The following FHIP1B variants were observed in gnomAD, a reference collection of about 807,000 sequenced individuals.
The protein encoded by FHIP1B is FHF complex subunit HOOK interacting protein 1B, also known as FHF complex subunit HOOK-interacting protein 1B.
Under a neutral mutation model 82.2 loss-of-function variants are expected in FHIP1B, and 28 were observed. That is an observed-to-expected ratio of 0.34 (90% CI 0.25 to 0.47). FHIP1B has a LOEUF of 0.47. FHIP1B is among the 20% of genes least tolerant of loss of function. FHIP1B has a pLI of 1.00. For synonymous variants in FHIP1B, 585 were observed against 516.1 expected, an observed-to-expected ratio of 1.13 and a Z score of -1.81; for missense variants, 1,110 against 1,262.6, an observed-to-expected ratio of 0.88 and a Z score of 1.83.
At chr11:6,226,694 A>G (rs1391393861) in intron 1 of FHIP1B, among the ~76,000 whole-genome samples, 1 of 152,270 alleles carries the variant, frequency 6.6e-6, no homozygotes, top group Non-Finnish European at 1.5e-5. Context: ...TTCAGAGAAG[A>G]GAGGCACAAC....
chr11:6,232,630 G>T (rs532391529), intron 1 of FHIP1B, among the ~76,000 whole-genome samples: 130 of 152,186 alleles, frequency 8.5e-4, no homozygotes, highest in African/African-American at 2.8e-3. Context: ...TGTCTACAAG[G>T]TATCTATATA....
chr11:6,231,908 G>A (rs1590639377), intron 1 of FHIP1B, among the ~76,000 whole-genome samples: 1 of 152,306 alleles, frequency 6.6e-6, no homozygotes, highest in Non-Finnish European at 1.5e-5. Flanking sequence ...GAGCTCGGAT[G>A]ACCATGTTTT....
intron 7 of FHIP1B, 89 bp downstream of exon 7, chr11:6,218,882 G>C (rs1425879419): frequency 6.4e-7 from 1 of 1,563,852 alleles, no homozygotes; most frequent in East Asian, 2.2e-5. Context: ...AAACTCATGA[G>C]TAACCCCTAT....
At position 6,223,684 on chromosome 11, in the gene FHIP1B, G is replaced by A; in HGVS notation, c.703C>T (p.Leu235Phe). ...CCAGCTGACAAAGCCATGAGAAGAA[G>A]TAGGGCATCACGGGCCTGCTGGCCC... ...TLGQQARDAL[L>F]LLMALSAGSP... The change falls in exon 3 of 12, where the codon CTT becomes TTT. Residue 235 changes from leucine (L) to phenylalanine (F), a missense_variant. Leu to Phe is a conservative substitution (Grantham distance 22). Transcript: ENST00000449352. The surrounding 1 kb of genome is among the most constrained non-coding windows in gnomAD (Gnocchi z 4.8). 1 of 1,613,918 alleles carries A rather than the reference G, an allele frequency of 6.2e-7. No homozygotes were observed. Among genetic ancestry groups the A allele is most frequent in the South Asian group, 1.1e-5 (1 of 91,084 alleles).
intron 9 of FHIP1B, among the ~76,000 whole-genome samples, chr11:6,216,029 GA>G (rs912109502): frequency 1.6e-4 from 24 of 149,226 alleles, no homozygotes; most frequent in African/African-American, 5.4e-4. Context: ...AAGTTTCTTG[GA>G]AAAAAAAAAT....
In FHIP1B at chr11:6,214,722, G is replaced by A. The variant is rs1847175523; in HGVS notation, c.2394+11C>T. The A allele has an allele frequency of 1.3e-6, 2 of 1,563,790 alleles. No homozygotes were observed. The highest frequency in any genetic ancestry group is 1.8e-5 in the Admixed American group (1 of 55,010). On this transcript the variant is annotated intron_variant, in intron 10 of 11. Coordinates refer to ENST00000449352, the MANE Select transcript of FHIP1B (RefSeq NM_001098794.2). ...AGCCTGGACGCACCCATGCATGCAT[G>A]CATCGCACACCTGCAGCAGGGACTT...
intron 1 of FHIP1B, among the ~76,000 whole-genome samples, chr11:6,230,311 T>A (rs1847665909): frequency 6.6e-6 from 1 of 152,194 alleles, no homozygotes; most frequent in Non-Finnish European, 1.5e-5. Flanking sequence ...GTCAGTAAAA[T>A]TCTGTGGTGT....
intron 11 of FHIP1B, among the ~76,000 whole-genome samples, chr11:6,213,067 G>C (rs1847117254): frequency 6.6e-6 from 1 of 152,150 alleles, no homozygotes; most frequent in South Asian, 2.1e-4. Flanking sequence ...TAAGGGCCTA[G>C]ACTGTGTCTT....
At chr11:6,220,946 T>C (rs2133813275) in intron 6 of FHIP1B, among the ~76,000 whole-genome samples, 1 of 152,348 alleles carries the variant, frequency 6.6e-6, no homozygotes, top group South Asian at 2.1e-4. Flanking sequence ...TTAATACCTA[T>C]TCCCTATTGG....
intron 9 of FHIP1B, chr11:6,216,716 C>CTCTGA: frequency 3.9e-6 from 1 of 257,200 alleles, no homozygotes; most frequent in South Asian, 5.9e-5. Context: ...CTCAGGGCCA[C>CTCTGA]GCTTTGTCAT....
rs13899 is a variant in FHIP1B at position 6,211,561 on chromosome 11, G to A, written c.2864C>T (p.Thr955Ile). ...GAGAGGGCCAGATCCTTCCTCTGAA[G>A]TCTCCAACAAGAAAGGCGAGGTGAC... ...HAVTSPFLLE[T>I]SEEGSGPLIS... is the part of the protein sequence containing the mutation. Residue 955 changes from threonine to isoleucine, a missense_variant, in exon 12 of 12, where the codon ACT becomes ATT. Physicochemically the swap from Thr to Ile is moderately conservative, Grantham distance 89. Around this residue, in one of 6 missense-constraint regions of FHIP1B, gnomAD observed 29 missense variants for 21.5 expected, o/e 1.35. Transcript: ENST00000449352. 6.2e-7 allele frequency: 1 copy of A among 1,613,936 alleles called. No individual in the cohort carries two copies.
At position 6,214,904 on chromosome 11, in the gene FHIP1B, G is replaced by T. The variant is rs1275818161; in HGVS notation, c.2223C>A (p.Phe741Leu). The T allele has an allele frequency of 6.3e-6, 10 of 1,580,578 alleles. No homozygotes were observed. The highest frequency in any genetic ancestry group is 8.6e-6 in the Non-Finnish European group (10 of 1,160,884). The change falls in exon 10 of 12, where the codon TTC becomes TTA. Residue 741 changes from phenylalanine to leucine, a missense_variant. This residue lies in a region of FHIP1B where 418 missense variants were observed against 371.4 expected (regional missense o/e 1.13). Coordinates refer to ENST00000449352, the MANE Select transcript of FHIP1B (RefSeq NM_001098794.2). ...QLPSQPFTGP[F>L]MAVLFAKLEN... ...CGAGTTTGGCAAAGAGCACAGCCAT[G>T]AAGGGGCCTGGGTTGGGGGGGAGGT...
At chr11:6,234,061 T>C (rs1847773427) in intron 1 of FHIP1B, among the ~76,000 whole-genome samples, 1 of 152,108 alleles carries the variant, frequency 6.6e-6, no homozygotes, top group Admixed American at 6.5e-5. Context: ...TCTAAAACTA[T>C]TGCTCTCACT....
chr11:6,212,073 G>A, intron 11 of FHIP1B: 2 of 614,786 alleles, frequency 3.3e-6, no homozygotes, highest in Non-Finnish European at 4.1e-6. Flanking sequence ...AGTAGAGTGA[G>A]GAGTTCTTTC....
Position 6,223,093 on chromosome 11 carries a change from T to G in FHIP1B, c.923A>C (p.Asn308Thr), listed in dbSNP as rs140450472. ...TTTCAGTCCTACCTGAATTACTGCA[T>G]TGCAGAACTCCAGGGAACTCATGAA... is the stretch of plus-strand genomic sequence containing the variant. ...ALFMSSLEFC[N>T]AVIQVAHPLV... Residue 308 changes from asparagine to threonine, a missense_variant, in exon 4 of 12, where the codon AAT (asparagine) becomes ACT (threonine). Coordinates refer to ENST00000449352, the MANE Select transcript of FHIP1B (RefSeq NM_001098794.2). This position sits in a 1 kb window ranked among gnomAD's most constrained non-coding sequence, Gnocchi z 4.8. The G allele has an allele frequency of 6.3e-7, 1 of 1,581,700 alleles. No homozygotes were observed. The highest frequency in any genetic ancestry group is 8.6e-7 in the Non-Finnish European group (1 of 1,167,192).
chr11:6,232,745 C>T (rs1847729300), intron 1 of FHIP1B, among the ~76,000 whole-genome samples: 1 of 152,184 alleles, frequency 6.6e-6, no homozygotes, highest in South Asian at 2.1e-4. Context: ...CAACCTAATA[C>T]AACAGCCACA....
chr11:6,231,182 A>G (rs1447660968), intron 1 of FHIP1B, among the ~76,000 whole-genome samples: 1 of 152,238 alleles, frequency 6.6e-6, no homozygotes, highest in Non-Finnish European at 1.5e-5. Context: ...GATATAGAGA[A>G]GAGAGATAAC....
chr11:6,230,250 C>A (rs1341543366), intron 1 of FHIP1B, among the ~76,000 whole-genome samples: 1 of 152,236 alleles, frequency 6.6e-6, no homozygotes, highest in East Asian at 1.9e-4. Context: ...AAGGGATATA[C>A]CTGCAACACC....
rs944710153 is a variant in FHIP1B at position 6,223,013 on chromosome 11, T to C, written c.936+67A>G. 3.8e-6 allele frequency: 6 copies of C among 1,579,870 alleles called. No homozygotes were observed. In the African/African-American group the frequency reaches 6.8e-5, roughly 18 times the overall value. ...TTCCAAGATGGAAAAATGACAGAAC[T>C]CCAGGGAATATACCCCCTCCTACCT... On this transcript the variant is annotated intron_variant, in intron 4 of 11. Coordinates refer to ENST00000449352, the MANE Select transcript of FHIP1B (RefSeq NM_001098794.2). The surrounding 1 kb of genome is among the most constrained non-coding windows in gnomAD (Gnocchi z 4.8).
Sources: allele counts gnomAD v4.1 joint callset (sites outside exome capture counted in the v4.1 genomes callset), GRCh38; gene constraint gnomAD v4.1.1; regional missense constraint gnomAD v4.1.1; non-coding constraint Gnocchi (gnomAD v3.1); transcripts MANE v1.5; gene names NCBI Gene and HGNC (gene_info 2026-07-23, HGNC 2026-07-21).